The following LUZP2 variants were observed in gnomAD, a reference collection of about 807,000 sequenced individuals.
LUZP2 encodes leucine zipper protein 2.
LUZP2 carries 52 observed loss-of-function variants against 51.6 expected under a neutral mutation model. That is an observed-to-expected ratio of 1.01 (90% confidence interval 0.81 to 1.27). LUZP2 has a LOEUF of 1.27. Ranked by LOEUF, LUZP2 falls within the 50% of genes most tolerant of loss-of-function variation. The pLI is 0.00. For synonymous variants in LUZP2, 154 were observed against 137.3 expected (o/e 1.12, Z -0.85); for missense variants, 436 against 395.4 (o/e 1.10, Z -0.87).
chr11:24,690,172 A>G (rs2133887101), intron 1 of LUZP2, among the ~76,000 whole-genome samples: 1 of 152,232 alleles, frequency 6.6e-6, no homozygotes, highest in South Asian at 2.1e-4. Flanking sequence ...AACATATTAC[A>G]TTAAATTAAT....
chr11:24,774,414 T>C (rs1358640732), intron 5 of LUZP2, among the ~76,000 whole-genome samples: 1 of 132,958 alleles, frequency 7.5e-6, no homozygotes, highest in African/African-American at 2.8e-5. Flanking sequence ...AAAGAATATA[T>C]TCTTTATATA....
intron 1 of LUZP2, among the ~76,000 whole-genome samples, chr11:24,552,009 T>C (rs1289705807): frequency 2.0e-5 from 3 of 151,912 alleles, no homozygotes; most frequent in Non-Finnish European, 4.4e-5. Flanking sequence ...TCTGTAATAC[T>C]GTACAAAAGT....
intron 1 of LUZP2, among the ~76,000 whole-genome samples, chr11:24,659,103 T>C (rs1045575333): frequency 3.9e-5 from 6 of 152,210 alleles, no homozygotes; most frequent in Non-Finnish European, 7.3e-5. Context: ...ATCATGCTGC[T>C]ATAAAGACAC....
At chr11:24,581,399 G>A (rs1001144487) in intron 1 of LUZP2, among the ~76,000 whole-genome samples, 8 of 152,046 alleles carry the variant, frequency 5.3e-5, no homozygotes, top group African/African-American at 1.9e-4. Context: ...GGCCGGGTGC[G>A]GTGGCTTACG....
chr11:24,590,441 C>T (rs755802922), intron 1 of LUZP2, among the ~76,000 whole-genome samples: 17 of 152,128 alleles, frequency 1.1e-4, no homozygotes, highest in Non-Finnish European at 2.1e-4. Context: ...AGCCTCTCTG[C>T]TAGCAATTTT....
chr11:24,866,068 C>T (rs1255243604), intron 5 of LUZP2, among the ~76,000 whole-genome samples: 1 of 151,544 alleles, frequency 6.6e-6, no homozygotes, highest in Non-Finnish European at 1.5e-5. Flanking sequence ...CTCAGCCTCC[C>T]AAAGTGCTGA....
At chr11:24,789,265 A>G (rs755347256) in intron 5 of LUZP2, among the ~76,000 whole-genome samples, 1 of 152,128 alleles carries the variant, frequency 6.6e-6, no homozygotes, top group African/African-American at 2.4e-5. Context: ...ATATATGTTT[A>G]TCCTCTATAT....
rs183646434 is a variant in LUZP2 at position 24,690,385 on chromosome 11, C to T, written c.63-38784C>T. On this transcript the variant is annotated intron_variant, in intron 1 of 11. Coordinates refer to ENST00000336930, the MANE Select transcript of LUZP2 (RefSeq NM_001009909.4). ...TTTTAATTTCACTTTTACAAAAGCTCATAGAAGGTGATTTCCAGGGAAGTT... is the reference window on the plus strand; with the variant it reads ...TTTTAATTTCACTTTTACAAAAGCTTATAGAAGGTGATTTCCAGGGAAGTT... Among the ~76,000 whole-genome samples, 340 of 152,158 alleles carry T rather than the reference C, an allele frequency of 2.2e-3. 3 individuals carry two copies. The highest frequency in any genetic ancestry group is 7.7e-3 in the African/African-American group (321 of 41,540).
chr11:24,664,057 A>G (rs975984171), intron 1 of LUZP2, among the ~76,000 whole-genome samples: 3 of 152,228 alleles, frequency 2.0e-5, no homozygotes, highest in African/African-American at 4.8e-5. Context: ...TGCTATAAGG[A>G]TACCAAAAAA....
At chr11:24,881,483 C>T (rs28620252) in intron 5 of LUZP2, among the ~76,000 whole-genome samples, 28,008 of 151,558 alleles carry the variant, frequency 0.18, 3,235 homozygotes, top group East Asian at 0.33. Flanking sequence ...TCTTTATGCT[C>T]AAAGTTAAGG....
chr11:24,789,671 C>G (rs1849353120), intron 5 of LUZP2, among the ~76,000 whole-genome samples: 1 of 152,126 alleles, frequency 6.6e-6, no homozygotes, highest in African/African-American at 2.4e-5. Context: ...TCTCACAGTT[C>G]CAGAAGCTGG....
At chr11:25,033,440 T>C (rs931450356) in intron 9 of LUZP2, among the ~76,000 whole-genome samples, 1 of 152,148 alleles carries the variant, frequency 6.6e-6, no homozygotes, top group African/African-American at 2.4e-5. Context: ...CAACTTTTAT[T>C]TTAGATACAT....
chr11:25,042,522 T>G (rs915777403), intron 9 of LUZP2, among the ~76,000 whole-genome samples: 2 of 152,212 alleles, frequency 1.3e-5, no homozygotes, highest in African/African-American at 4.8e-5. Context: ...TAGTACATTA[T>G]AAATTACTGG....
chr11:24,621,371 A>G (rs1854488568), intron 1 of LUZP2, among the ~76,000 whole-genome samples: 3 of 152,188 alleles, frequency 2.0e-5, no homozygotes, highest in Admixed American at 1.3e-4. Context: ...GCTTGCAGCA[A>G]TATCACATTG....
At chr11:24,639,169 A>AT (rs1241564590) in intron 1 of LUZP2, among the ~76,000 whole-genome samples, 5 of 151,586 alleles carry the variant, frequency 3.3e-5, no homozygotes, top group Middle Eastern at 3.2e-3. Context: ...GTTAATATAT[A>AT]TTTTTCACTA....
At chr11:24,851,857 G>T (rs1851404132) in intron 5 of LUZP2, among the ~76,000 whole-genome samples, 1 of 152,102 alleles carries the variant, frequency 6.6e-6, no homozygotes. Context: ...AGGGTGTTAA[G>T]TGTCCAGGAA....
Position 24,950,587 on chromosome 11 carries a change from T to C in LUZP2, c.523-26004T>C, listed in dbSNP as rs144621808. On this transcript the variant is annotated intron_variant, in intron 7 of 11. Coordinates refer to ENST00000336930, the MANE Select transcript of LUZP2 (RefSeq NM_001009909.4). ...CATGTGAGACAGACCAACAGAAATT[T>C]AGCAGTTCTTTTTGTCTTTAGAGAA... Among the ~76,000 whole-genome samples the C allele has an allele frequency of 4.2e-4, 63 of 151,738 alleles. No individual in the cohort carries two copies. In the East Asian group the frequency reaches 0.012, roughly 28 times the overall value.
At chr11:24,765,500 A>G (rs992448744) in intron 5 of LUZP2, among the ~76,000 whole-genome samples, 4 of 152,168 alleles carry the variant, frequency 2.6e-5, no homozygotes, top group Non-Finnish European at 5.9e-5. Flanking sequence ...CTTTTTCTGC[A>G]TCTATTGAGA....
intron 1 of LUZP2, among the ~76,000 whole-genome samples, chr11:24,673,668 G>A (rs1201080486): frequency 6.6e-6 from 1 of 152,162 alleles, no homozygotes; most frequent in African/African-American, 2.4e-5. Flanking sequence ...GGGGGAGCCT[G>A]TCCAGTGCAT....
Sources: allele counts gnomAD v4.1 joint callset (sites outside exome capture counted in the v4.1 genomes callset), GRCh38; gene constraint gnomAD v4.1.1; transcripts MANE v1.5; gene names NCBI Gene and HGNC (gene_info 2026-07-23, HGNC 2026-07-21).